The following NFE2L3 variants were observed in gnomAD, a reference collection of about 807,000 sequenced individuals.
NFE2L3 encodes the protein NFE2 like bZIP transcription factor 3, also known as nuclear factor erythroid 2-related factor 3.
NFE2L3 carries 18 observed loss-of-function variants against 23.5 expected under a neutral mutation model. The observed-to-expected ratio is 0.77, with a 90% CI of 0.53 to 1.13. The LOEUF (loss-of-function observed/expected upper bound fraction) is 1.13. Ranked by LOEUF, NFE2L3 falls within the 50% of genes most tolerant of loss-of-function variation. The pLI is 0.00. For missense variants in NFE2L3, 1,152 were observed against 877.2 expected (o/e 1.31, Z -3.96); for synonymous variants, 424 against 354.5 (o/e 1.20, Z -2.20).
At chr7:26,184,480 TGCTTCAGAAATAGG>T in intron 3 of NFE2L3, 39 bp from the exon 4 acceptor site, 1 of 1,507,810 alleles carries the variant, frequency 6.6e-7, no homozygotes. Flanking sequence ...GTAATAGAAC[TGCTTCAGAAATAGG>T]GCTATTCATG....
At chr7:26,168,634 T>C (rs1391506441) in intron 1 of NFE2L3, among the ~76,000 whole-genome samples, 2 of 151,456 alleles carry the variant, frequency 1.3e-5, no homozygotes, top group Non-Finnish European at 2.9e-5. Flanking sequence ...GATGGGCATT[T>C]GTGCTGATAC....
At chr7:26,175,585 G>A (rs888967696) in intron 1 of NFE2L3, among the ~76,000 whole-genome samples, 33 of 151,966 alleles carry the variant, frequency 2.2e-4, no homozygotes, top group Non-Finnish European at 3.2e-4. Flanking sequence ...AGACCATCCT[G>A]GCTAACATGG....
intron 1 of NFE2L3, among the ~76,000 whole-genome samples, chr7:26,161,361 T>TG (rs1784169339): frequency 1.2e-4 from 12 of 100,234 alleles, no homozygotes; most frequent in African/African-American, 2.9e-4. Context: ...TTTTTTTTTT[T>TG]TTTGGGTCTT....
intron 1 of NFE2L3, among the ~76,000 whole-genome samples, chr7:26,175,853 C>CTTTTTTTTTTTTT (rs70943276): frequency 1.1e-4 from 12 of 111,642 alleles, no homozygotes; most frequent in East Asian, 5.2e-4. Flanking sequence ...ATTTTCTTTT[C>CTTTTTTTTTTTTT]TTTTTTTTTT....
At position 26,152,335 on chromosome 7, in the gene NFE2L3, TG is replaced by T; in HGVS notation, c.-163del. 2.8e-6 allele frequency: 1 copy of T among 358,000 alleles called. No individual in the cohort carries two copies. Among genetic ancestry groups the T allele is most frequent in the Non-Finnish European group, 4.5e-6 (1 of 220,762 alleles). 22.2% of individuals were successfully genotyped at this position (358,000 alleles called of 1,614,324 possible). On this transcript the variant is annotated 5_prime_UTR_variant, in exon 1 of 4. Coordinates refer to ENST00000056233, the MANE Select transcript of NFE2L3 (RefSeq NM_004289.7). This position sits in a 1 kb window ranked among gnomAD's most constrained non-coding sequence, Gnocchi z 4.4. ...GCCGAGGGAACGCCTTTGTGCCCGG[TG>T]CTGGGAACCCGCGACGGCCGCCACG... is the stretch of plus-strand genomic sequence containing the variant.
chr7:26,183,722 ACTT>A lies in NFE2L3; in HGVS notation c.776_778del (p.Ser259del), dbSNP rs534912151. Reference sequence around the variant, plus strand: ...ACAGAGACATCTGAATGGGACAGATACTTCTTTCTCTCTGGAAGACTTATTCCA... The same window carrying A: ...ACAGAGACATCTGAATGGGACAGATACTTTCTCTCTGGAAGACTTATTCCA... On this transcript the variant is annotated inframe_deletion, in exon 3 of 4. Transcript: ENST00000056233. 2.9e-5 allele frequency: 47 copies of A among 1,612,154 alleles called. No individual in the cohort carries two copies. The African/African-American group carries it at 5.6e-4, about 19-fold the overall frequency.
At chr7:26,168,847 C>T (rs1784291166) in intron 1 of NFE2L3, among the ~76,000 whole-genome samples, 1 of 152,056 alleles carries the variant, frequency 6.6e-6, no homozygotes, top group Non-Finnish European at 1.5e-5. Flanking sequence ...AGAAGTGTTC[C>T]TGAAGGGGCC....
chr7:26,181,239 A>T (rs1173308262), intron 2 of NFE2L3, among the ~76,000 whole-genome samples: 1 of 152,198 alleles, frequency 6.6e-6, no homozygotes, highest in Non-Finnish European at 1.5e-5. Flanking sequence ...GGCCTCCCAA[A>T]GTGCTGGGAT....
In NFE2L3 at chr7:26,185,219, A is replaced by G. The variant is rs1462622239; in HGVS notation, c.1521A>G (p.Pro507=). The change falls in exon 4 of 4, where the codon CCA becomes CCG. Residue 507 remains proline (P), a synonymous_variant. Transcript: ENST00000056233. ...NHTYHLQPTA[P]ESTSEPFPWP... is the part of the protein sequence containing the mutation. ...CTTACCACTTACAGCCAACTGCACCAGAATCTACTTCTGAACCTTTTCCGT... is the reference window on the plus strand; with the variant it reads ...CTTACCACTTACAGCCAACTGCACCGGAATCTACTTCTGAACCTTTTCCGT... 2 of 1,613,864 alleles carry G rather than the reference A, an allele frequency of 1.2e-6. No homozygotes were observed. Among genetic ancestry groups the G allele is most frequent in the African/African-American group, 2.7e-5 (2 of 74,930 alleles).
At chr7:26,169,641 G>T (rs890977110) in intron 1 of NFE2L3, among the ~76,000 whole-genome samples, 3 of 152,208 alleles carry the variant, frequency 2.0e-5, no homozygotes, top group African/African-American at 7.2e-5. Context: ...CACTTACAAT[G>T]CTTGTTGTGT....
intron 1 of NFE2L3, among the ~76,000 whole-genome samples, chr7:26,169,351 T>C (rs1030464020): frequency 2.0e-5 from 3 of 152,214 alleles, no homozygotes; most frequent in Admixed American, 6.5e-5. Context: ...CGAACTGTGA[T>C]GCAGGCTGGC....
chr7:26,183,182 T>C (rs879332253), intron 2 of NFE2L3, among the ~76,000 whole-genome samples: 3 of 152,124 alleles, frequency 2.0e-5, no homozygotes, highest in Non-Finnish European at 4.4e-5. Flanking sequence ...ATGGAAGTTG[T>C]TTATGGTAGG....
At chr7:26,173,255 T>A (rs923072437) in intron 1 of NFE2L3, among the ~76,000 whole-genome samples, 1 of 152,132 alleles carries the variant, frequency 6.6e-6, no homozygotes, top group Non-Finnish European at 1.5e-5. Context: ...ACTCAAAAAG[T>A]TTCCCCCCAC....
At chr7:26,166,363 T>C (rs1583929759) in intron 1 of NFE2L3, among the ~76,000 whole-genome samples, 1 of 152,192 alleles carries the variant, frequency 6.6e-6, no homozygotes, top group Admixed American at 6.5e-5. Flanking sequence ...GCTCTAGCCT[T>C]CCCCTGGTGA....
At chr7:26,177,322 T>C (rs563075223) in intron 1 of NFE2L3, among the ~76,000 whole-genome samples, 1 of 152,208 alleles carries the variant, frequency 6.6e-6, no homozygotes, top group African/African-American at 2.4e-5. Context: ...GAGCATTGAG[T>C]GAGCGAGACT....
chr7:26,186,530 G>A lies in NFE2L3; in HGVS notation c.*747G>A, dbSNP rs1782492394. 6.6e-6 allele frequency: 1 copy of A among 152,162 alleles called. No individual in the cohort carries two copies. The highest frequency in any genetic ancestry group is 2.1e-4 in the South Asian group (1 of 4,830). 9.4% of individuals were successfully genotyped at this position (152,162 alleles called of 1,614,324 possible). ...ATATAGAATGCACTGAAGACCTACG[G>A]TCACTGGTAGTTTGAGCCACAGGCC... On this transcript the variant is annotated 3_prime_UTR_variant, in exon 4 of 4. Coordinates refer to ENST00000056233, the MANE Select transcript of NFE2L3 (RefSeq NM_004289.7).
rs1326210029 is a variant in NFE2L3, at chr7:26,185,962, C to G, written c.*179C>G. 3 of 542,170 alleles carry G rather than the reference C, an allele frequency of 5.5e-6. No homozygotes were observed. Among genetic ancestry groups the G allele is most frequent in the African/African-American group, 3.9e-5 (2 of 51,718 alleles). The allele number at this position is 542,170 out of a possible 1,614,324, so 33.6% of individuals were successfully genotyped here. A position where few individuals can be genotyped will look rare whatever the true frequency, so the allele number is the denominator to read the frequency against. On this transcript the variant is annotated 3_prime_UTR_variant, in exon 4 of 4. Coordinates refer to ENST00000056233, the MANE Select transcript of NFE2L3 (RefSeq NM_004289.7). ...AAATGTTTAGGACTTCAAGATCACA[C>G]TTGTGGGCAATCTGGGGGAGCCACA...
intron 1 of NFE2L3, among the ~76,000 whole-genome samples, chr7:26,161,375 T>G (rs1248896718): frequency 6.7e-6 from 1 of 148,938 alleles, no homozygotes; most frequent in African/African-American, 2.5e-5. Context: ...GGGTCTTACC[T>G]TTCTTTAGAG....
In NFE2L3 at chr7:26,185,556, C is replaced by CT; in HGVS notation, c.1860dup (p.Lys621Ter). The CT allele has an allele frequency of 6.2e-7, 1 of 1,613,800 alleles. No homozygotes were observed. The highest frequency in any genetic ancestry group is 2.2e-5 in the East Asian group (1 of 44,882). ...TAACTTGCAAGCAAAGAAGGAAACT[C>CT]TTAAGAGAGAGCAAGCACAATGTAA... On this transcript the variant is annotated frameshift_variant, in exon 4 of 4. Transcript: ENST00000056233. LOFTEE classifies it low-confidence loss of function (END_TRUNC).
Sources: gnomAD v4.1 joint callset for allele counts (sites outside exome capture counted in the v4.1 genomes callset) on GRCh38, gnomAD v4.1.1 for gene constraint, Gnocchi (gnomAD v3.1) non-coding constraint, MANE v1.5 for transcripts, NCBI Gene and HGNC (gene_info 2026-07-23, HGNC 2026-07-21) for gene names.